LIG4: variants seen among roughly 807,000 people sequenced by gnomAD.
The protein encoded by LIG4 is DNA ligase 4, also known as DNA joinase.
A neutral mutation model predicts 19.0 loss-of-function variants in LIG4; 13 were observed. The ratio of observed to expected loss-of-function variants is 0.68; its 90% CI spans 0.44 to 1.09. LIG4 has a LOEUF of 1.09. Among genes scored for constraint, LIG4 ranks in the 50% least tolerant of loss-of-function variants. The pLI, the probability that LIG4 is intolerant of heterozygous loss-of-function variation, is 0.00. For missense variants in LIG4, 1,026 were observed against 1,089.7 expected (o/e 0.94, Z 0.82); for synonymous variants, 361 against 358.2 (o/e 1.01, Z -0.09).
chr13:108,212,193 GAAAA>G (rs199746129), intron 2 of LIG4, among the ~76,000 whole-genome samples: 2 of 142,426 alleles, frequency 1.4e-5, no homozygotes, highest in African/African-American at 5.2e-5. Flanking sequence ...AAAAAAAAAA[GAAAA>G]AAAAGAAAAG....
chr13:108,217,633 GT>G (rs1343738924), upstream of LIG4, among the ~76,000 whole-genome samples: 1 of 152,024 alleles, frequency 6.6e-6, no homozygotes, highest in Non-Finnish European at 1.5e-5. Context: ...GGAGGCGGAG[GT>G]TGCAGTGAGC....
rs1594458788 is a variant in LIG4, at chr13:108,209,671, G to C, written c.1598C>G (p.Ala533Gly). 3 of 1,614,104 alleles carry C rather than the reference G, an allele frequency of 1.9e-6. No individual in the cohort carries two copies. The Middle Eastern group carries it at 4.9e-4, about 266-fold the overall frequency. Residue 533 changes from alanine (A) to glycine (G), a missense_variant, in exon 3 of 3, where the codon GCT (alanine) becomes GGT (glycine). Coordinates refer to ENST00000442234, the MANE Select transcript of LIG4 (RefSeq NM_206937.2). ...TCCACATAAAATGCTGCTTGGTGGA[G>C]CTTTTCTATGAAAAGGCTTCCAATA... ...AKYWKPFHRKAPPSSILCGTE... is the reference protein window; with the variant it reads ...AKYWKPFHRKGPPSSILCGTE...
intron 2 of LIG4, among the ~76,000 whole-genome samples, chr13:108,212,392 G>A (rs1878759836): frequency 1.3e-5 from 2 of 152,062 alleles, no homozygotes; most frequent in Admixed American, 6.5e-5. Context: ...TTTCACAAGT[G>A]TAAATTTCTT....
chr13:108,211,353 T>A, intron 2 of LIG4, 57 bp from the exon 3 acceptor site: 1 of 972,080 alleles, frequency 1.0e-6, no homozygotes, highest in Non-Finnish European at 1.6e-6. Flanking sequence ...ACTAAATATT[T>A]AATGTAAAGA....
At chr13:108,211,549 G>C (rs1202643762) in intron 2 of LIG4, among the ~76,000 whole-genome samples, 1 of 152,090 alleles carries the variant, frequency 6.6e-6, no homozygotes, top group Non-Finnish European at 1.5e-5. Flanking sequence ...TTATAATACA[G>C]AAATCATTTT....
intron 2 of LIG4, among the ~76,000 whole-genome samples, chr13:108,214,241 A>G (rs900612867): frequency 6.6e-6 from 1 of 152,192 alleles, no homozygotes; most frequent in African/African-American, 2.4e-5. Flanking sequence ...GTGTTTCCCT[A>G]GGAAACAAAG....
Position 108,209,956 on chromosome 13 carries a change from T to TTTTACC in LIG4, c.1312_1313insGGTAAA (p.Tyr438delinsTrpTer), listed in dbSNP as rs1878437091. The TTTTACC allele has an allele frequency of 6.2e-7, 1 of 1,613,644 alleles. No homozygotes were observed. Among genetic ancestry groups the TTTTACC allele is most frequent in the African/African-American group, 1.3e-5 (1 of 74,942 alleles). On this transcript the variant is annotated stop_gained and protein_altering_variant, in exon 3 of 3. Transcript: ENST00000442234. LOFTEE classifies it low-confidence loss of function (END_TRUNC). ...CCCTTCACCTCTTTTGTCTGGCTTG[T>TTTTACC]AGATGGATAGAGGTTGTTTTACCAT...
rs1269597531 is a variant in LIG4 at position 108,211,867 on chromosome 13, A to G, written c.-28-571T>C. 2.0e-5 allele frequency among the ~76,000 whole-genome samples: 3 copies of G among 152,286 alleles called. No homozygotes were observed. In the East Asian group the frequency reaches 5.8e-4, roughly 29 times the overall value. ...ACCAAAAAACAAAACAAAGGAAAAA[A>G]CAGGTACCCTCTTCTTCCAGCCAAA... is the stretch of plus-strand genomic sequence containing the variant. On this transcript the variant is annotated intron_variant, in intron 2 of 2. Transcript: ENST00000442234.
rs1433231909 is a variant in LIG4, at chr13:108,209,365, T to C, written c.1904A>G (p.Lys635Arg). ...GTGCTCAATAATTCCAATAACTTTC[T>C]TCATCTTTGGGGCAGCTTTCCGCTT... Reference protein sequence around the residue: ...EKKRKAAPKMKKVIGIIEHLK... With the variant: ...EKKRKAAPKMRKVIGIIEHLK... The change falls in exon 3 of 3, where the codon AAG becomes AGG. Residue 635 changes from lysine (K) to arginine (R), a missense_variant. Coordinates refer to ENST00000442234, the MANE Select transcript of LIG4 (RefSeq NM_206937.2). 3 of 1,614,018 alleles carry C rather than the reference T, an allele frequency of 1.9e-6. No individual in the cohort carries two copies. The highest frequency in any genetic ancestry group is 3.3e-5 in the Admixed American group (2 of 60,016).
At chr13:108,216,321 G>A (rs1305986800), upstream of LIG4, among the ~76,000 whole-genome samples, 1 of 152,086 alleles carries the variant, frequency 6.6e-6, no homozygotes, top group African/African-American at 2.4e-5. Context: ...TCATAAAGAG[G>A]GGTGGAAACA....
In LIG4 at chr13:108,209,293, A is replaced by G; in HGVS notation, c.1976T>C (p.Phe659Ser). The part of the protein sequence containing the change: ...LTNVNKISNI[F>S]EDVEFCVMSG... ...CATAACACAAAACTCTACATCTTCA[A>G]ATATATTAGAAATTTTGTTAACGTT... is the stretch of plus-strand genomic sequence containing the variant. Residue 659 changes from phenylalanine (F) to serine (S), a missense_variant, in exon 3 of 3, where the codon TTT (phenylalanine) becomes TCT (serine). Coordinates refer to ENST00000442234, the MANE Select transcript of LIG4 (RefSeq NM_206937.2). 1.2e-6 allele frequency: 2 copies of G among 1,614,098 alleles called. No individual in the cohort carries two copies. Among genetic ancestry groups the G allele is most frequent in the Non-Finnish European group, 1.7e-6 (2 of 1,179,984 alleles).
Position 108,208,984 on chromosome 13 carries a change from C to A in LIG4, c.2285G>T (p.Gly762Val). 2 of 1,614,124 alleles carry A rather than the reference C, an allele frequency of 1.2e-6. No individual in the cohort carries two copies. The highest frequency in any genetic ancestry group is 1.7e-5 in the Admixed American group (1 of 60,024). Residue 762 changes from glycine (G) to valine (V), a missense_variant, in exon 3 of 3, where the codon GGT becomes GTT. Physicochemically the swap from Gly to Val is moderately radical, Grantham distance 109. This residue lies in a region of LIG4 where 521 missense variants were observed against 515.5 expected (regional missense o/e 1.01). Transcript: ENST00000442234. ...GTCTGTATCAATGAAATAACTATCA[C>A]CATAGCAATCATATTCACGGGCAAA... is the stretch of plus-strand genomic sequence containing the variant. Reference protein sequence around the residue: ...EHFAREYDCYGDSYFIDTDLN... With the variant: ...EHFAREYDCYVDSYFIDTDLN...
rs1878459563 is a variant in LIG4 at position 108,210,070 on chromosome 13, A to G, written c.1199T>C (p.Ile400Thr). 2 of 1,612,882 alleles carry G rather than the reference A, an allele frequency of 1.2e-6. No homozygotes were observed. The highest frequency in any genetic ancestry group is 1.7e-6 in the Non-Finnish European group (2 of 1,179,830). The change falls in exon 3 of 3, where the codon ATA becomes ACA. Residue 400 changes from isoleucine (I) to threonine (T), a missense_variant. By Grantham distance (89) the Ile-to-Thr change is moderately conservative (BLOSUM62 -1). Around this residue, in one of 3 missense-constraint regions of LIG4, gnomAD observed 493 missense variants for 544.5 expected, o/e 0.91. Transcript: ENST00000442234. ...SSIFTPIPGR[I>T]EIVQKTQAHT... The stretch of plus-strand genomic sequence containing the variant: ...AGCTTGTGTTTTCTGCACTATTTCT[A>G]TTCTACCTGGAATTGGTGTAAAAAT...
intron 1 of LIG4, among the ~76,000 whole-genome samples, chr13:108,215,275 A>G (rs1354787787): frequency 6.0e-4 from 30 of 50,084 alleles, no homozygotes; most frequent in African/African-American, 2.6e-3. Flanking sequence ...GACGCCCTAC[A>G]GACCCCAACC....
At position 108,210,643 on chromosome 13, in the gene LIG4, T is replaced by C; in HGVS notation, c.626A>G (p.Asn209Ser). 1 of 1,613,762 alleles carries C rather than the reference T, an allele frequency of 6.2e-7. No individual in the cohort carries two copies. Among genetic ancestry groups the C allele is most frequent in the South Asian group, 1.1e-5 (1 of 91,080 alleles). The change falls in exon 3 of 3, where the codon AAT (asparagine) becomes AGT (serine). Residue 209 changes from asparagine (N) to serine (S), a missense_variant. Around this residue, in one of 3 missense-constraint regions of LIG4, gnomAD observed 493 missense variants for 544.5 expected, o/e 0.91. Coordinates refer to ENST00000442234, the MANE Select transcript of LIG4 (RefSeq NM_206937.2). ...SQQTIFSVFHNDAAELHNVTT... is the reference protein window; with the variant it reads ...SQQTIFSVFHSDAAELHNVTT... ...GACATTATGCAACTCAGCAGCATCA[T>C]TATGAAAAACAGAAAAGATAGTTTG... is the stretch of plus-strand genomic sequence containing the variant.
intron 2 of LIG4, among the ~76,000 whole-genome samples, chr13:108,212,849 A>C (rs1320357072): frequency 6.6e-6 from 1 of 152,020 alleles, no homozygotes; most frequent in Non-Finnish European, 1.5e-5. Flanking sequence ...TGCTGAATGA[A>C]TTACTGAACA....
Position 108,209,900 on chromosome 13 carries a change from C to T in LIG4, c.1369G>A (p.Gly457Arg), listed in dbSNP as rs958611827. The change falls in exon 3 of 3, where the codon GGA becomes AGA. Residue 457 changes from glycine to arginine, a missense_variant. Transcript: ENST00000442234. ...WLKIKPEYVS[G>R]LMDELDILIV... ...AAAATGTCCAATTCATCCATTAGTC[C>T]ACTGACATACTCTGGTTTAATTTTT... 1.5e-5 allele frequency: 25 copies of T among 1,614,150 alleles called. No individual in the cohort carries two copies. Among genetic ancestry groups the T allele is most frequent in the Non-Finnish European group, 2.1e-5 (25 of 1,180,020 alleles).
Position 108,209,571 on chromosome 13 carries a change from G to A in LIG4, c.1698C>T (p.Pro566=). The A allele has an allele frequency of 6.2e-7, 1 of 1,614,028 alleles. No individual in the cohort carries two copies. The stretch of plus-strand genomic sequence containing the variant: ...TGCAGCCAGTTTTATACATATCACT[G>A]GGTACGATCTCTGCTGCTTTAATCT... ...IVQIKAAEIV[P]SDMYKTGCTL... Residue 566 remains proline (P), a synonymous_variant, in exon 3 of 3, where the codon CCC becomes CCT. Coordinates refer to ENST00000442234, the MANE Select transcript of LIG4 (RefSeq NM_206937.2).
chr13:108,210,912 A>G lies in LIG4; in HGVS notation c.357T>C (p.His119=). The G allele has an allele frequency of 1.2e-6, 2 of 1,613,962 alleles. No homozygotes were observed. Among genetic ancestry groups the G allele is most frequent in the South Asian group, 1.1e-5 (1 of 91,078 alleles). The part of the protein sequence containing the change: ...LLNYRTPTGT[H]GDAGDFAMIA... ...TCATTGCAAAGTCTCCAGCATCTCC[A>G]TGAGTTCCAGTGGGTGTTCTGTAGT... The change falls in exon 3 of 3, where the codon CAT becomes CAC. Residue 119 remains histidine, a synonymous_variant. Coordinates refer to ENST00000442234, the MANE Select transcript of LIG4 (RefSeq NM_206937.2).
Sources: gnomAD v4.1 joint callset for allele counts (sites outside exome capture counted in the v4.1 genomes callset) on GRCh38, gnomAD v4.1.1 for gene constraint, gnomAD v4.1.1 regional missense constraint, MANE v1.5 for transcripts, NCBI Gene and HGNC (gene_info 2026-07-23, HGNC 2026-07-21) for gene names.